SAFB2: variants seen among roughly 807,000 people sequenced by gnomAD.
SAFB2 encodes the protein scaffold attachment factor B2.
Under a neutral mutation model 100.6 loss-of-function variants are expected in SAFB2, and 32 were observed. That is an observed-to-expected ratio of 0.32 (90% CI 0.24 to 0.43). The LOEUF (loss-of-function observed/expected upper bound fraction) is 0.43, where lower values mean the gene tolerates loss of function less well. Ranked by LOEUF, SAFB2 falls within the 20% of genes least tolerant of loss-of-function variation. The probability of loss-of-function intolerance (pLI) is 1.00; values close to 1 mark genes in which losing one functional copy is unlikely to be tolerated. For synonymous variants in SAFB2, 500 were observed against 439.4 expected, an observed-to-expected ratio of 1.14 and a Z score of -1.72; for missense variants, 1,185 against 1,163.4, an observed-to-expected ratio of 1.02 and a Z score of -0.27.
chr19:5,605,887 G>A (rs2052764181), intron 9 of SAFB2, among the ~76,000 whole-genome samples: 1 of 152,180 alleles, frequency 6.6e-6, no homozygotes, highest in African/African-American at 2.4e-5. Flanking sequence ...AAGACAGAGA[G>A]AAATCACGGA....
At chr19:5,610,347 C>T (rs1320413436) in intron 8 of SAFB2, 2 of 589,106 alleles carry the variant, frequency 3.4e-6, no homozygotes, top group Middle Eastern at 4.2e-4. Context: ...ATGATCAGAT[C>T]TCATCCAAGA....
At chr19:5,619,728 G>A (rs983450974) in intron 2 of SAFB2, among the ~76,000 whole-genome samples, 2 of 151,804 alleles carry the variant, frequency 1.3e-5, no homozygotes, top group Non-Finnish European at 2.9e-5. Flanking sequence ...ACCTGTAATC[G>A]CAGCTACTCA....
chr19:5,587,326 C>T lies in SAFB2; in HGVS notation c.2779G>A (p.Val927Met), dbSNP rs1568201133. The T allele has an allele frequency of 6.2e-7, 1 of 1,612,970 alleles. No individual in the cohort carries two copies. The highest frequency in any genetic ancestry group is 1.7e-5 in the Admixed American group (1 of 59,936). Residue 927 changes from valine (V) to methionine (M), a missense_variant, in exon 21 of 21, where the codon GTG (valine) becomes ATG (methionine). Physicochemically the swap from Val to Met is conservative, Grantham distance 21 (BLOSUM62 1). This residue lies in a region of SAFB2 where 740 missense variants were observed against 687.1 expected (regional missense o/e 1.08). Coordinates refer to ENST00000252542, the MANE Select transcript of SAFB2 (RefSeq NM_014649.3). The surrounding 1 kb of genome is among the most constrained non-coding windows in gnomAD (Gnocchi z 4.9). ...CTGCTGCCCCGGTCCTGGCTGGCCA[C>T]TCCGCCACCTTCCAGTCCGCCACCT... The part of the protein sequence containing the change: ...VPGGGLEGGG[V>M]ASQDRGSRVP...
At chr19:5,590,730 C>T (rs761987844) in intron 17 of SAFB2, among the ~76,000 whole-genome samples, 2 of 152,322 alleles carry the variant, frequency 1.3e-5, no homozygotes, top group Middle Eastern at 3.4e-3. Flanking sequence ...AGAAGTTGGG[C>T]GCCGCCTCCT....
chr19:5,602,503 A>AT (rs2052683470), intron 11 of SAFB2, among the ~76,000 whole-genome samples: 3 of 150,882 alleles, frequency 2.0e-5, no homozygotes, highest in African/African-American at 7.3e-5. Flanking sequence ...AAAAAAAAAA[A>AT]AAATCTTAAG....
Position 5,605,062 on chromosome 19 carries a change from T to C in SAFB2, c.1297-126A>G, listed in dbSNP as rs2052744654. The C allele has an allele frequency of 8.0e-6, 9 of 1,119,514 alleles. No homozygotes were observed. The South Asian group carries it at 1.2e-4, about 15-fold the overall frequency. The allele number at this position is 1,119,514 out of a possible 1,614,324, so 69.3% of individuals were successfully genotyped here. A position where few individuals can be genotyped will look rare whatever the true frequency, so the allele number is the denominator to read the frequency against. On this transcript the variant is annotated intron_variant, in intron 9 of 20. Transcript: ENST00000252542. Reference sequence around the variant, plus strand: ...CTCCCCATATGGTAGTTTTCCATTTTAGTTACTGAATTGGTTCTAATTAAT... The same window carrying C: ...CTCCCCATATGGTAGTTTTCCATTTCAGTTACTGAATTGGTTCTAATTAAT...
chr19:5,602,405 G>A (rs1457301068), intron 11 of SAFB2, among the ~76,000 whole-genome samples: 3 of 150,562 alleles, frequency 2.0e-5, no homozygotes, highest in African/African-American at 7.4e-5. Context: ...GCGTGAACCC[G>A]GGAGGCGGAG....
At chr19:5,615,421 T>C (rs1300059581) in intron 4 of SAFB2, among the ~76,000 whole-genome samples, 1 of 150,886 alleles carries the variant, frequency 6.6e-6, no homozygotes, top group African/African-American at 2.4e-5. Flanking sequence ...TAGAAACCAT[T>C]TTTGAGCTGG....
intron 2 of SAFB2, among the ~76,000 whole-genome samples, chr19:5,620,629 T>C (rs958005778): frequency 1.3e-5 from 2 of 152,230 alleles, no homozygotes; most frequent in African/African-American, 4.8e-5. Flanking sequence ...GGCAAATCTA[T>C]GCGGACAGAA....
At chr19:5,613,339 C>A (rs2052950422) in intron 5 of SAFB2, 126 bp downstream of exon 5, 3 of 841,416 alleles carry the variant, frequency 3.6e-6, no homozygotes, top group Non-Finnish European at 5.6e-6. Context: ...CTTCTGCTAA[C>A]CTCTTAACCC....
At chr19:5,599,400 G>A (rs2052606649) in intron 12 of SAFB2, among the ~76,000 whole-genome samples, 1 of 152,170 alleles carries the variant, frequency 6.6e-6, no homozygotes, top group South Asian at 2.1e-4. Context: ...ATAAACCACT[G>A]GAACAATGAC....
intron 17 of SAFB2, 86 bp from the exon 18 acceptor site, chr19:5,590,494 C>G (rs1200219678): frequency 7.0e-7 from 1 of 1,421,226 alleles, no homozygotes; most frequent in African/African-American, 1.4e-5. Context: ...CTGCAGGCCC[C>G]AGGGTGGCAG....
chr19:5,592,922 A>C (rs1309661843), intron 15 of SAFB2, 35 bp from the exon 16 acceptor site: 3 of 1,605,700 alleles, frequency 1.9e-6, no homozygotes, highest in Admixed American at 1.7e-5. Flanking sequence ...TACAAATTCC[A>C]TTAATGAGAG....
Position 5,592,838 on chromosome 19 carries a change from G to A in SAFB2, c.2257C>T (p.Arg753Ter), listed in dbSNP as rs1302765613. The stretch of plus-strand genomic sequence containing the variant: ...GGCCGGGGAAAGTCTGCACGATATC[G>A]GTCCTCCATTGCCACACGCTTTCCT... Reference protein sequence around the residue: ...PEGKRVAMEDRYRADFPRPDH... With the variant: ...PEGKRVAMED Residue 753 changes from arginine (R) to a stop codon, truncating the protein, a stop_gained, in exon 16 of 21, where the codon CGA becomes TGA. Transcript: ENST00000252542. LOFTEE classifies it high-confidence loss of function. 1 of 1,614,048 alleles carries A rather than the reference G, an allele frequency of 6.2e-7. No individual in the cohort carries two copies. Among genetic ancestry groups the A allele is most frequent in the Non-Finnish European group, 8.5e-7 (1 of 1,180,032 alleles).
chr19:5,598,491 C>T (rs1038344461), intron 13 of SAFB2: 18 of 382,030 alleles, frequency 4.7e-5, no homozygotes, highest in East Asian at 1.4e-4. Context: ...CCTTCCGGCT[C>T]GAAAAGCCTG....
intron 11 of SAFB2, among the ~76,000 whole-genome samples, chr19:5,603,780 C>G (rs558649953): frequency 1.3e-5 from 2 of 152,334 alleles, no homozygotes; most frequent in Admixed American, 1.3e-4. Flanking sequence ...AATGCTTTTG[C>G]CATCTGTCAG....
In SAFB2 at chr19:5,604,891, G is replaced by C; in HGVS notation, c.1342C>G (p.Arg448Gly). 6.2e-7 allele frequency: 1 copy of C among 1,613,894 alleles called. No homozygotes were observed. Among genetic ancestry groups the C allele is most frequent in the Non-Finnish European group, 8.5e-7 (1 of 1,180,026 alleles). The change falls in exon 10 of 21, where the codon CGA becomes GGA. Residue 448 changes from arginine (R) to glycine (G), a missense_variant. By Grantham distance (125) the Arg-to-Gly change is moderately radical (BLOSUM62 -2). Around this residue, in one of 3 missense-constraint regions of SAFB2, gnomAD observed 94 missense variants for 135.1 expected, o/e 0.70. Transcript: ENST00000252542. ...VVTNARSPGA[R>G]CYGFVTMSTS... ...GACATGGTGACGAATCCATAGCATC[G>C]AGCCCCCGGGCTGCGGGCGTTCGTT...
Position 5,622,700 on chromosome 19 carries a change from G to T in SAFB2, c.16C>A (p.Pro6Thr), listed in dbSNP as rs1383135756. The change falls in exon 1 of 21, where the codon CCC (proline) becomes ACC (threonine). Residue 6 changes from proline to threonine, a missense_variant. Pro to Thr is a conservative substitution (Grantham distance 38). Coordinates refer to ENST00000252542, the MANE Select transcript of SAFB2 (RefSeq NM_014649.3). MAETL[P>T]GSGDSGPGTA... ...CCAGGGCCCGAGTCGCCCGACCCGG[G>T]CAGAGTCTCCGCCATCGTCGCGTTC... The T allele has an allele frequency of 6.2e-7, 1 of 1,604,064 alleles. No homozygotes were observed. The highest frequency in any genetic ancestry group is 8.5e-7 in the Non-Finnish European group (1 of 1,178,148).
intron 16 of SAFB2, 42 bp from the exon 17 acceptor site, chr19:5,591,835 A>C: frequency 6.2e-7 from 1 of 1,608,404 alleles, no homozygotes; most frequent in Non-Finnish European, 8.5e-7. Context: ...ACCAGGCACG[A>C]CTACACATTT....
Sources: allele counts gnomAD v4.1 joint callset (sites outside exome capture counted in the v4.1 genomes callset), GRCh38; gene constraint gnomAD v4.1.1; regional missense constraint gnomAD v4.1.1; non-coding constraint Gnocchi (gnomAD v3.1); transcripts MANE v1.5; gene names NCBI Gene and HGNC (gene_info 2026-07-23, HGNC 2026-07-21).